TANC1: variants seen among roughly 807,000 people sequenced by gnomAD.
The protein encoded by TANC1 is tetratricopeptide repeat, ankyrin repeat and coiled-coil containing 1.
In TANC1, 77 loss-of-function variants were observed where a neutral mutation model predicts 149.7. The observed-to-expected ratio is 0.51, with a 90% confidence interval of 0.43 to 0.62. The LOEUF (loss-of-function observed/expected upper bound fraction) is 0.62. Among genes scored for constraint, TANC1 ranks in the 20% least tolerant of loss-of-function variants. TANC1 has a pLI of 0.00. For missense variants in TANC1, 1,985 were observed against 2,321.8 expected, an observed-to-expected ratio of 0.85 and a Z score of 2.98; for synonymous variants, 854 against 925.0, an observed-to-expected ratio of 0.92 and a Z score of 1.39.
In TANC1 at chr2:159,229,693, A is replaced by G. The variant is rs1202857240; in HGVS notation, c.4267A>G (p.Ser1423Gly). ...AGAGGAGTGCAAACAACTCCAGAGGAGTCAACAGCAAAAACAGCAGGGCCC... is the reference window on the plus strand; with the variant it reads ...AGAGGAGTGCAAACAACTCCAGAGGGGTCAACAGCAAAAACAGCAGGGCCC... ...VEEECKQLQRSQQQKQQGPLP... is the reference protein window; with the variant it reads ...VEEECKQLQRGQQQKQQGPLP... The change falls in exon 27 of 27, where the codon AGT becomes GGT. Residue 1423 changes from serine (S) to glycine (G), a missense_variant. Transcript: ENST00000263635. 2.5e-6 allele frequency: 4 copies of G among 1,613,884 alleles called. No individual in the cohort carries two copies. Among genetic ancestry groups the G allele is most frequent in the African/African-American group, 1.3e-5 (1 of 74,870 alleles).
chr2:159,112,503 G>T (rs1034041551), intron 4 of TANC1, among the ~76,000 whole-genome samples: 2 of 150,888 alleles, frequency 1.3e-5, no homozygotes, highest in African/African-American at 4.9e-5. Context: ...TGATCTGCAC[G>T]CCTCGGCCTC....
intron 2 of TANC1, among the ~76,000 whole-genome samples, chr2:159,033,009 G>C (rs994838575): frequency 6.6e-6 from 1 of 152,084 alleles, no homozygotes; most frequent in Non-Finnish European, 1.5e-5. Context: ...GAAGCTCAAC[G>C]GAGGAAGACC....
At chr2:159,002,363 T>TGAG (rs1305976135) in intron 2 of TANC1, among the ~76,000 whole-genome samples, 1 of 152,016 alleles carries the variant, frequency 6.6e-6, no homozygotes, top group Non-Finnish European at 1.5e-5. Context: ...GGGGTGGCAG[T>TGAG]GAGGAGGACT....
chr2:159,228,019 C>T (rs2150990379), intron 25 of TANC1, 54 bp downstream of exon 25: 4 of 1,583,984 alleles, frequency 2.5e-6, no homozygotes, highest in South Asian at 1.1e-5. Context: ...AGCCCTTCTC[C>T]AGCAGTGAAG....
At chr2:159,160,992 G>T (rs564103578) in intron 7 of TANC1, among the ~76,000 whole-genome samples, 1 of 150,066 alleles carries the variant, frequency 6.7e-6, no homozygotes, top group East Asian at 2.0e-4. Context: ...CCCCCTCCAC[G>T]AGATGCTGGG....
chr2:159,216,461 A>G (rs1337758080), intron 19 of TANC1, among the ~76,000 whole-genome samples: 4 of 152,122 alleles, frequency 2.6e-5, no homozygotes, highest in African/African-American at 9.7e-5. Context: ...TGGTCCCACC[A>G]AAGAGCTGAT....
intron 5 of TANC1, among the ~76,000 whole-genome samples, chr2:159,147,027 C>G (rs1202240435): frequency 6.6e-6 from 1 of 152,174 alleles, no homozygotes; most frequent in Non-Finnish European, 1.5e-5. Context: ...GTTGCGGTCC[C>G]CCTGCTGCAC....
At position 159,219,222 on chromosome 2, in the gene TANC1, C is replaced by T; in HGVS notation, c.3379-16C>T. 6.2e-7 allele frequency: 1 copy of T among 1,613,974 alleles called. No individual in the cohort carries two copies. The highest frequency in any genetic ancestry group is 8.5e-7 in the Non-Finnish European group (1 of 1,179,898). The stretch of plus-strand genomic sequence containing the variant: ...AAATGCAGCAGGAGGATGGTAATTC[C>T]AAATGTCTCTTCCAGATTGTTAGAC... On this transcript the variant is annotated splice_polypyrimidine_tract_variant and intron_variant, in intron 20 of 26. Transcript: ENST00000263635.
At chr2:159,153,212 C>G (rs1159017438) in intron 7 of TANC1, among the ~76,000 whole-genome samples, 2 of 152,214 alleles carry the variant, frequency 1.3e-5, no homozygotes, top group Non-Finnish European at 2.9e-5. Flanking sequence ...AGAAGCTATG[C>G]AGGATCCCCA....
At chr2:159,085,651 G>A (rs2044757346) in intron 3 of TANC1, among the ~76,000 whole-genome samples, 1 of 152,146 alleles carries the variant, frequency 6.6e-6, no homozygotes, top group Admixed American at 6.5e-5. Flanking sequence ...GAAAGCCAAG[G>A]GGAGCAGGCA....
intron 19 of TANC1, among the ~76,000 whole-genome samples, chr2:159,208,200 T>C (rs2058753228): frequency 6.6e-6 from 1 of 152,234 alleles, no homozygotes; most frequent in Admixed American, 6.5e-5. Flanking sequence ...TGCTATGTAT[T>C]GTCAGGGTTG....
chr2:159,037,178 C>A (rs1164807784), intron 2 of TANC1, among the ~76,000 whole-genome samples: 4 of 152,166 alleles, frequency 2.6e-5, no homozygotes, highest in African/African-American at 9.7e-5. Flanking sequence ...AGTGTCTGTT[C>A]ATTTCCTTTG....
intron 1 of TANC1, among the ~76,000 whole-genome samples, chr2:158,991,311 C>T (rs562109512): frequency 1.3e-5 from 2 of 151,838 alleles, no homozygotes; most frequent in Admixed American, 1.3e-4. Context: ...TTACAGTGCA[C>T]GGTCTGATTA....
In TANC1 at chr2:159,007,350, T is replaced by G. The variant is rs888170075; in HGVS notation, c.-16+6161T>G. Among the ~76,000 whole-genome samples, 168 of 152,316 alleles carry G rather than the reference T, an allele frequency of 1.1e-3. 1 individual carries two copies. The highest frequency in any genetic ancestry group is 3.9e-3 in the African/African-American group (162 of 41,576). On this transcript the variant is annotated intron_variant, in intron 2 of 26. Coordinates refer to ENST00000263635, the MANE Select transcript of TANC1 (RefSeq NM_033394.3). ...TAATAGAGACAGGGTTTTTCCATGT[T>G]GGTCAGGCTGGTCTTGAACTCCTGA...
intron 3 of TANC1, among the ~76,000 whole-genome samples, chr2:159,087,372 G>C (rs1170929555): frequency 1.3e-5 from 2 of 151,074 alleles, no homozygotes; most frequent in African/African-American, 2.4e-5. Context: ...TTTTCTGGTT[G>C]ATATCATGTA....
At chr2:159,004,062 A>G (rs1244212132) in intron 2 of TANC1, 29 of 1,612,192 alleles carry the variant, frequency 1.8e-5, no homozygotes, top group East Asian at 4.5e-5. Flanking sequence ...CAACAATCCC[A>G]AAGTCCAAGC....
intron 3 of TANC1, among the ~76,000 whole-genome samples, chr2:159,074,227 CGAGCAACT>C (rs938934165): frequency 1.3e-5 from 2 of 152,120 alleles, no homozygotes; most frequent in African/African-American, 2.4e-5. Flanking sequence ...AAAGGTAAAA[CGAGCAACT>C]GAGCAGCTGG....
chr2:159,172,383 A>T (rs1271371023), intron 11 of TANC1, 111 bp downstream of exon 11: 5 of 954,522 alleles, frequency 5.2e-6, no homozygotes, highest in Non-Finnish European at 7.8e-6. Context: ...GCTTAATGAT[A>T]AAGTATAGCT....
intron 3 of TANC1, among the ~76,000 whole-genome samples, chr2:159,070,426 A>G (rs554826872): frequency 5.3e-5 from 8 of 152,332 alleles, no homozygotes; most frequent in African/African-American, 1.9e-4. Flanking sequence ...ATTATCACCC[A>G]AAGTCCATAG....
Sources: allele counts gnomAD v4.1 joint callset (sites outside exome capture counted in the v4.1 genomes callset), GRCh38; gene constraint gnomAD v4.1.1; transcripts MANE v1.5; gene names NCBI Gene and HGNC (gene_info 2026-07-23, HGNC 2026-07-21).